TP63: variants seen among roughly 807,000 people sequenced by gnomAD.
TP63 encodes the protein tumor protein 63.
Under a neutral mutation model 82.8 loss-of-function variants are expected in TP63, and 17 were observed. The ratio of observed to expected loss-of-function variants is 0.21; its 90% confidence interval spans 0.14 to 0.31. The LOEUF (loss-of-function observed/expected upper bound fraction) is 0.31, where lower values mean the gene tolerates loss of function less well. TP63 is among the 10% of genes least tolerant of loss of function. TP63 has a pLI of 1.00. For missense variants in TP63, 648 were observed against 895.3 expected (o/e 0.72, Z 3.52); for synonymous variants, 330 against 321.7 (o/e 1.03, Z -0.28).
chr3:189,859,850 GA>G (rs1420984352), intron 4 of TP63, among the ~76,000 whole-genome samples: 1 of 152,132 alleles, frequency 6.6e-6, no homozygotes, highest in African/African-American at 2.4e-5. Flanking sequence ...AAAAACCACA[GA>G]TAAATCTCAA....
intron 1 of TP63, among the ~76,000 whole-genome samples, chr3:189,722,164 TG>T (rs1401245429): frequency 6.6e-6 from 1 of 152,156 alleles, no homozygotes; most frequent in Non-Finnish European, 1.5e-5. Flanking sequence ...GGAAGCTCTC[TG>T]GGGGCCAGAT....
intron 1 of TP63, among the ~76,000 whole-genome samples, chr3:189,644,675 A>G (rs1266866372): frequency 6.6e-6 from 1 of 152,058 alleles, no homozygotes; most frequent in East Asian, 1.9e-4. Flanking sequence ...TTTATCTCTC[A>G]CTTCCCAACC....
chr3:189,645,489 G>A (rs1712339586), intron 1 of TP63: 1 of 218,198 alleles, frequency 4.6e-6, no homozygotes, highest in Non-Finnish European at 9.0e-6. Flanking sequence ...ATTTTTTATT[G>A]TGTTTTTTAA....
chr3:189,793,236 T>A (rs1725342269), intron 3 of TP63, among the ~76,000 whole-genome samples: 1 of 151,728 alleles, frequency 6.6e-6, no homozygotes, highest in South Asian at 2.1e-4. Flanking sequence ...AAAAAAGATT[T>A]TGAGACAATA....
intron 3 of TP63, among the ~76,000 whole-genome samples, chr3:189,806,040 CTTTTT>C (rs34836784): frequency 5.8e-5 from 3 of 52,078 alleles, no homozygotes; most frequent in Admixed American, 5.5e-4. Context: ...GAAGCAAACA[CTTTTT>C]TTTTTTTTTT....
At chr3:189,688,735 C>T (rs1490079500) in intron 1 of TP63, among the ~76,000 whole-genome samples, 1 of 152,168 alleles carries the variant, frequency 6.6e-6, no homozygotes. Flanking sequence ...TAGCCAAAAG[C>T]AAATACGTTG....
intron 4 of TP63, among the ~76,000 whole-genome samples, chr3:189,863,118 GC>G (rs907007289): frequency 6.6e-6 from 1 of 152,026 alleles, no homozygotes; most frequent in Admixed American, 6.6e-5. Context: ...CTATGGCTCT[GC>G]CCCCCCACCA....
intron 1 of TP63, among the ~76,000 whole-genome samples, chr3:189,719,738 T>C (rs999676487): frequency 3.9e-5 from 6 of 152,190 alleles, no homozygotes; most frequent in African/African-American, 1.4e-4. Context: ...TAGATCCCTA[T>C]TTCAGAGAGT....
chr3:189,730,435 A>C (rs1720079332), intron 1 of TP63, among the ~76,000 whole-genome samples: 1 of 152,224 alleles, frequency 6.6e-6, no homozygotes, highest in South Asian at 2.1e-4. Context: ...TAGAAAAAAG[A>C]AATATTCCTC....
intron 4 of TP63, among the ~76,000 whole-genome samples, chr3:189,817,270 T>C (rs1242162709): frequency 6.6e-6 from 1 of 152,118 alleles, no homozygotes; most frequent in Non-Finnish European, 1.5e-5. Context: ...CTTTGAGTGG[T>C]TTCCAAGTTG....
At chr3:189,691,826 A>C (rs1716956889) in intron 1 of TP63, among the ~76,000 whole-genome samples, 1 of 152,108 alleles carries the variant, frequency 6.6e-6, no homozygotes, top group Non-Finnish European at 1.5e-5. Context: ...TTACTATAGA[A>C]ATAGGCCAGT....
At chr3:189,870,050 T>C (rs1483430493) in intron 9 of TP63, among the ~76,000 whole-genome samples, 1 of 152,238 alleles carries the variant, frequency 6.6e-6, no homozygotes, top group Non-Finnish European at 1.5e-5. Context: ...TTTCTTACCC[T>C]AATATTTAAA....
chr3:189,716,708 G>A (rs1305393759), intron 1 of TP63, among the ~76,000 whole-genome samples: 2 of 152,010 alleles, frequency 1.3e-5, no homozygotes, highest in South Asian at 2.1e-4. Context: ...TTCCCCTTTG[G>A]CACTAGTCTA....
the TP63 span, among the ~76,000 whole-genome samples, chr3:189,618,817 T>C: frequency 5.3e-5 from 8 of 152,162 alleles, no homozygotes; most frequent in African/African-American, 1.9e-4. Context: ...ATTCTAGCCA[T>C]GTCCTCTTCC....
intron 5 of TP63, among the ~76,000 whole-genome samples, chr3:189,866,011 C>G (rs1478307592): frequency 6.6e-6 from 1 of 152,194 alleles, no homozygotes; most frequent in Non-Finnish European, 1.5e-5. Context: ...CTGTTAAAAA[C>G]AGCTTTACGG....
At chr3:189,841,216 C>G (rs1015725265) in intron 4 of TP63, among the ~76,000 whole-genome samples, 7 of 152,264 alleles carry the variant, frequency 4.6e-5, no homozygotes, top group African/African-American at 1.7e-4. Flanking sequence ...TTGGAGAATT[C>G]TAACTTTGTG....
At chr3:189,662,477 A>G (rs1345340611) in intron 1 of TP63, among the ~76,000 whole-genome samples, 1 of 151,916 alleles carries the variant, frequency 6.6e-6, no homozygotes, top group East Asian at 1.9e-4. Flanking sequence ...GACTTGCTAT[A>G]TGGTTAAGTA....
chr3:189,789,210 A>G (rs1360298534), intron 3 of TP63, among the ~76,000 whole-genome samples: 1 of 151,958 alleles, frequency 6.6e-6, no homozygotes, highest in East Asian at 1.9e-4. Flanking sequence ...GGATTTGCGT[A>G]CTCTCTCCTA....
intron 3 of TP63, among the ~76,000 whole-genome samples, chr3:189,788,751 G>A (rs1339342976): frequency 6.6e-6 from 1 of 151,976 alleles, no homozygotes; most frequent in Non-Finnish European, 1.5e-5. Context: ...ACGTATTTAT[G>A]TAAATGTATT....
Sources: gnomAD v4.1 joint callset for allele counts (sites outside exome capture counted in the v4.1 genomes callset) on GRCh38, gnomAD v4.1.1 for gene constraint, MANE v1.5 for transcripts, NCBI Gene and HGNC (gene_info 2026-07-23, HGNC 2026-07-21) for gene names.